Variants in AGBL4 observed in about 807,000 individuals in gnomAD.
The protein encoded by AGBL4 is AGBL carboxypeptidase 4.
A neutral mutation model predicts 66.4 loss-of-function variants in AGBL4; 58 were observed. The ratio of observed to expected loss-of-function variants is 0.87; its 90% CI spans 0.71 to 1.09. AGBL4 has a LOEUF of 1.09. Among genes scored for constraint, AGBL4 ranks in the 50% least tolerant of loss-of-function variants. The pLI is 0.00. For missense variants in AGBL4, 579 were observed against 631.0 expected, an observed-to-expected ratio of 0.92 and a Z score of 0.88; for synonymous variants, 234 against 222.9, an observed-to-expected ratio of 1.05 and a Z score of -0.44.
Position 48,734,615 on chromosome 1 carries a change from C to T in AGBL4, c.635-71374G>A, listed in dbSNP as rs146344445. Among the ~76,000 whole-genome samples the T allele has an allele frequency of 5.7e-3, 872 of 152,320 alleles. 13 individuals are homozygous for T. The highest frequency in any genetic ancestry group is 0.02 in the African/African-American group (828 of 41,564). On this transcript the variant is annotated intron_variant, in intron 6 of 13. Transcript: ENST00000371839. ...CAGCCATCTGGGGCTTCTTCACACC[C>T]GGAGCATGCCAGCCTTCATACCTGC... is the stretch of plus-strand genomic sequence containing the variant.
At chr1:49,681,942 T>C (rs1646702412) in intron 3 of AGBL4, among the ~76,000 whole-genome samples, 1 of 152,202 alleles carries the variant, frequency 6.6e-6, no homozygotes, top group South Asian at 2.1e-4. Context: ...AGATTGTGCC[T>C]ACCATTAAGC....
At chr1:49,738,375 C>T (rs115692760) in intron 2 of AGBL4, among the ~76,000 whole-genome samples, 231 of 152,334 alleles carry the variant, frequency 1.5e-3, no homozygotes, top group African/African-American at 5.2e-3. Context: ...CTCACCATTG[C>T]CCAGGCTTGA....
At chr1:48,645,230 A>G (rs1307952892) in intron 8 of AGBL4, among the ~76,000 whole-genome samples, 1 of 152,200 alleles carries the variant, frequency 6.6e-6, no homozygotes, top group African/African-American at 2.4e-5. Flanking sequence ...TACATAAAGC[A>G]GGAGAGAGTC....
At chr1:49,375,471 A>G (rs1644454135) in intron 3 of AGBL4, among the ~76,000 whole-genome samples, 1 of 152,072 alleles carries the variant, frequency 6.6e-6, no homozygotes, top group Admixed American at 6.6e-5. Context: ...GTGCCCTTTG[A>G]TGCCTTCCTG....
intron 4 of AGBL4, among the ~76,000 whole-genome samples, chr1:49,078,409 C>G (rs897450134): frequency 1.3e-5 from 2 of 152,154 alleles, no homozygotes; most frequent in Non-Finnish European, 2.9e-5. Flanking sequence ...CATCTCAAAC[C>G]TGGTATGTCC....
At chr1:49,906,606 T>A (rs1159686225) in intron 1 of AGBL4, among the ~76,000 whole-genome samples, 1 of 152,076 alleles carries the variant, frequency 6.6e-6, no homozygotes, top group Non-Finnish European at 1.5e-5. Context: ...GTAAAGTATA[T>A]CTCAAATGCT....
intron 3 of AGBL4, among the ~76,000 whole-genome samples, chr1:49,638,442 T>C (rs1325377109): frequency 6.6e-6 from 1 of 152,150 alleles, no homozygotes; most frequent in Non-Finnish European, 1.5e-5. Flanking sequence ...AGTAATATAT[T>C]TGGTCTAATC....
chr1:49,865,552 A>T (rs1387576296), intron 1 of AGBL4, among the ~76,000 whole-genome samples: 2 of 152,186 alleles, frequency 1.3e-5, no homozygotes, highest in Non-Finnish European at 2.9e-5. Context: ...CAAACAGAAA[A>T]TAAGAACAAC....
intron 3 of AGBL4, among the ~76,000 whole-genome samples, chr1:49,523,337 T>C (rs984025812): frequency 6.6e-6 from 1 of 152,106 alleles, no homozygotes; most frequent in Non-Finnish European, 1.5e-5. Flanking sequence ...ATTTACTATA[T>C]GTGTGGCTCT....
intron 3 of AGBL4, among the ~76,000 whole-genome samples, chr1:49,676,395 C>A (rs1430507393): frequency 6.6e-6 from 1 of 152,156 alleles, no homozygotes; most frequent in South Asian, 2.1e-4. Context: ...TTGCCCAGGT[C>A]TTCAATTTAG....
chr1:49,613,567 G>T (rs1645195505), intron 3 of AGBL4, among the ~76,000 whole-genome samples: 2 of 152,120 alleles, frequency 1.3e-5, no homozygotes, highest in Admixed American at 6.6e-5. Flanking sequence ...ATTCTCATAG[G>T]AGTACAAACC....
chr1:49,352,550 G>A (rs934391458), intron 3 of AGBL4, among the ~76,000 whole-genome samples: 2 of 151,968 alleles, frequency 1.3e-5, no homozygotes, highest in Admixed American at 6.6e-5. Context: ...GCCTTCCAGG[G>A]GGAATAGCAA....
intron 2 of AGBL4, among the ~76,000 whole-genome samples, chr1:49,813,323 T>C (rs1645149925): frequency 6.6e-6 from 1 of 152,162 alleles, no homozygotes; most frequent in Non-Finnish European, 1.5e-5. Context: ...ATCACTAAGA[T>C]GGAATTTAAA....
chr1:49,991,725 C>T (rs1357394058), intron 1 of AGBL4, among the ~76,000 whole-genome samples: 1 of 152,080 alleles, frequency 6.6e-6, no homozygotes, highest in Non-Finnish European at 1.5e-5. Context: ...TTGATTCTTC[C>T]ATTTCTGTCA....
chr1:49,796,546 T>C (rs1481413173), intron 2 of AGBL4, among the ~76,000 whole-genome samples: 1 of 151,298 alleles, frequency 6.6e-6, no homozygotes, highest in African/African-American at 2.4e-5. Context: ...AAATTTAAAA[T>C]TATCTTTTTA....
At chr1:49,379,843 T>G (rs544440973) in intron 3 of AGBL4, among the ~76,000 whole-genome samples, 2 of 152,064 alleles carry the variant, frequency 1.3e-5, no homozygotes, top group Non-Finnish European at 2.9e-5. Flanking sequence ...AAATTCTCTT[T>G]TTTGGTTGTG....
intron 1 of AGBL4, among the ~76,000 whole-genome samples, chr1:50,000,788 C>T (rs1660690570): frequency 6.6e-6 from 1 of 152,064 alleles, no homozygotes; most frequent in Non-Finnish European, 1.5e-5. Flanking sequence ...CAAAATTATT[C>T]TAAGTGAAGT....
intron 1 of AGBL4, among the ~76,000 whole-genome samples, chr1:49,964,564 A>G (rs2148349756): frequency 6.6e-6 from 1 of 152,270 alleles, no homozygotes; most frequent in Non-Finnish European, 1.5e-5. Flanking sequence ...ATAAGAGTCC[A>G]ACCACTCTTT....
chr1:48,836,155 G>A (rs1238235099), intron 6 of AGBL4, among the ~76,000 whole-genome samples: 1 of 151,976 alleles, frequency 6.6e-6, no homozygotes, highest in African/African-American at 2.4e-5. Flanking sequence ...TTTAGGTGAA[G>A]CACCAGAAGG....
Sources: gnomAD v4.1 joint callset for allele counts (sites outside exome capture counted in the v4.1 genomes callset) on GRCh38, gnomAD v4.1.1 for gene constraint, MANE v1.5 for transcripts, NCBI Gene and HGNC (gene_info 2026-07-23, HGNC 2026-07-21) for gene names.